PLPPR4: variants seen among roughly 807,000 people sequenced by gnomAD.
PLPPR4 encodes the protein phospholipid phosphatase-related protein type 4.
In PLPPR4, 24 loss-of-function variants were observed where a neutral mutation model predicts 56.6. The observed-to-expected ratio is 0.42, with a 90% confidence interval of 0.31 to 0.60. The LOEUF (loss-of-function observed/expected upper bound fraction) is 0.60, where lower values mean the gene tolerates loss of function less well. Ranked by LOEUF, PLPPR4 falls within the 20% of genes least tolerant of loss-of-function variation. The pLI is 0.13. For synonymous variants in PLPPR4, 326 were observed against 328.1 expected, an observed-to-expected ratio of 0.99 and a Z score of 0.07; for missense variants, 654 against 885.8, an observed-to-expected ratio of 0.74 and a Z score of 3.32.
chr1:99,302,769 G>GT (rs1303810008), intron 6 of PLPPR4, among the ~76,000 whole-genome samples: 1 of 146,998 alleles, frequency 6.8e-6, no homozygotes, highest in Non-Finnish European at 1.5e-5. Context: ...GCGGTGTTTG[G>GT]TTTTTTATCT....
At chr1:99,280,031 G>T (rs975021405) in intron 1 of PLPPR4, among the ~76,000 whole-genome samples, 1 of 152,150 alleles carries the variant, frequency 6.6e-6, no homozygotes. Flanking sequence ...AGTAGAGAAT[G>T]TGTTTAAGAG....
chr1:99,301,947 T>G (rs559819296), intron 6 of PLPPR4, 50 bp downstream of exon 6: 1 of 1,379,982 alleles, frequency 7.2e-7, no homozygotes, highest in South Asian at 1.5e-5. Flanking sequence ...ATGGAAAACA[T>G]GCATAGAATA....
At chr1:99,291,741 T>C (rs1233247438) in intron 2 of PLPPR4, among the ~76,000 whole-genome samples, 1 of 151,804 alleles carries the variant, frequency 6.6e-6, no homozygotes, top group African/African-American at 2.4e-5. Flanking sequence ...CATAGGCACA[T>C]AGAGGGGAAA....
At position 99,305,912 on chromosome 1, in the gene PLPPR4, C is replaced by G; in HGVS notation, c.1050C>G (p.Ile350Met). The G allele has an allele frequency of 6.2e-7, 1 of 1,614,094 alleles. No homozygotes were observed. Among genetic ancestry groups the G allele is most frequent in the Non-Finnish European group, 8.5e-7 (1 of 1,180,008 alleles). ...AAAGAGCAAATGCTGATGTGGAAAT[C>G]ATTACTCCACGGAGCCCCATGGGGA... ...NLKRANADVE[I>M]ITPRSPMGKE... The change falls in exon 7 of 7, where the codon ATC becomes ATG. Residue 350 changes from isoleucine (I) to methionine (M), a missense_variant. Ile to Met is a conservative substitution (Grantham distance 10, BLOSUM62 1). Around this residue, in one of 2 missense-constraint regions of PLPPR4, gnomAD observed 468 missense variants for 554.3 expected, o/e 0.84. Transcript: ENST00000370185.
chr1:99,275,172 C>A (rs1254749915), intron 1 of PLPPR4, among the ~76,000 whole-genome samples: 1 of 152,028 alleles, frequency 6.6e-6, no homozygotes, highest in African/African-American at 2.4e-5. Context: ...ATAATGTCTT[C>A]TTCATGGCAA....
intron 1 of PLPPR4, among the ~76,000 whole-genome samples, chr1:99,277,744 C>T (rs768686397): frequency 1.2e-4 from 18 of 151,758 alleles, no homozygotes; most frequent in African/African-American, 2.7e-4. Flanking sequence ...TTATCCTTCT[C>T]GGTGCTTCAA....
intron 1 of PLPPR4, among the ~76,000 whole-genome samples, chr1:99,265,881 T>G (rs6577371): frequency 0.44 from 67,622 of 152,000 alleles, 15,887 homozygotes; most frequent in Middle Eastern, 0.54. Flanking sequence ...ATAGATTTTT[T>G]AAATAATTTC....
chr1:99,264,436 G>C (rs1293706644), upstream of PLPPR4: 23 of 1,470,916 alleles, frequency 1.6e-5, no homozygotes, highest in Non-Finnish European at 2.1e-5. Flanking sequence ...GCGGGGAGAA[G>C]GCGGGGGCGC....
intron 1 of PLPPR4, among the ~76,000 whole-genome samples, chr1:99,283,502 A>G (rs893865045): frequency 6.6e-6 from 1 of 152,176 alleles, no homozygotes; most frequent in South Asian, 2.1e-4. Context: ...ATTTTAAAAC[A>G]CCTTTCTTTT....
At chr1:99,267,511 C>T (rs12060600) in intron 1 of PLPPR4, among the ~76,000 whole-genome samples, 13,265 of 152,188 alleles carry the variant, frequency 0.087, 1,046 homozygotes, top group African/African-American at 0.2. Flanking sequence ...AATATAAATA[C>T]ACCTGTATTC....
At chr1:99,269,970 A>G (rs1659007490) in intron 1 of PLPPR4, among the ~76,000 whole-genome samples, 1 of 151,436 alleles carries the variant, frequency 6.6e-6, no homozygotes, top group South Asian at 2.1e-4. Flanking sequence ...CAAAAAATTA[A>G]GATTACTCAG....
chr1:99,285,050 T>G (rs1659428218), intron 1 of PLPPR4, among the ~76,000 whole-genome samples: 1 of 152,172 alleles, frequency 6.6e-6, no homozygotes, highest in African/African-American at 2.4e-5. Flanking sequence ...AGAAAGGTGA[T>G]GTTTAGTGAA....
In PLPPR4 at chr1:99,287,952, C is replaced by G. The variant is rs542221936; in HGVS notation, c.79-13C>G. The G allele has an allele frequency of 3.1e-6, 5 of 1,606,276 alleles. No individual in the cohort carries two copies. In the Admixed American group the frequency reaches 6.7e-5, roughly 22 times the overall value. ...GGTAGAATAAATTGATCTTCTTTGTCCTTCATTCTTAGTTGCCTATATTGG... is the reference window on the plus strand; with the variant it reads ...GGTAGAATAAATTGATCTTCTTTGTGCTTCATTCTTAGTTGCCTATATTGG... On this transcript the variant is annotated splice_polypyrimidine_tract_variant and intron_variant, in intron 1 of 6. Transcript: ENST00000370185.
At position 99,283,534 on chromosome 1, in the gene PLPPR4, A is replaced by G. The variant is rs116126505; in HGVS notation, c.79-4431A>G. ...TTTTGTTTGCCCTGTTCTCTAAAAC[A>G]GTTATAATTTTTCTTCTGGTTCCTC... is the stretch of plus-strand genomic sequence containing the variant. On this transcript the variant is annotated intron_variant, in intron 1 of 6. Transcript: ENST00000370185. 6.4e-3 allele frequency among the ~76,000 whole-genome samples: 977 copies of G among 152,354 alleles called. 6 individuals are homozygous for G. Among genetic ancestry groups the G allele is most frequent in the South Asian group, 0.015 (73 of 4,832 alleles).
At chr1:99,303,501 TA>T in intron 6 of PLPPR4, among the ~76,000 whole-genome samples, 1 of 152,098 alleles carries the variant, frequency 6.6e-6, no homozygotes. Context: ...GTCATAAAAA[TA>T]AAAGGTAGCC....
At chr1:99,302,622 TCATTTAG>T (rs1194364365) in intron 6 of PLPPR4, among the ~76,000 whole-genome samples, 1 of 149,944 alleles carries the variant, frequency 6.7e-6, no homozygotes, top group African/African-American at 2.4e-5. Flanking sequence ...CATTAACTCG[TCATTTAG>T]CATTAGGTAT....
chr1:99,300,933 A>G lies in PLPPR4; in HGVS notation c.615A>G (p.Ala205=). ...SGRKSFPSQH[A]TLAAFAAVYV... ...GAAAGTCCTTCCCTTCTCAACATGCAACCCTTGCTGCCTTTGCAGCTGTGT... is the reference window on the plus strand; with the variant it reads ...GAAAGTCCTTCCCTTCTCAACATGCGACCCTTGCTGCCTTTGCAGCTGTGT... The change falls in exon 5 of 7, where the codon GCA becomes GCG. Residue 205 remains alanine, a synonymous_variant. Coordinates refer to ENST00000370185, the MANE Select transcript of PLPPR4 (RefSeq NM_014839.5). The G allele has an allele frequency of 1.2e-6, 2 of 1,612,414 alleles. No homozygotes were observed. Among genetic ancestry groups the G allele is most frequent in the Non-Finnish European group, 1.7e-6 (2 of 1,178,696 alleles).
intron 2 of PLPPR4, among the ~76,000 whole-genome samples, chr1:99,295,779 C>A (rs772120279): frequency 1.3e-5 from 2 of 152,170 alleles, no homozygotes; most frequent in Non-Finnish European, 2.9e-5. Context: ...CTCACCGTGC[C>A]AGGCACTGTG....
Position 99,288,130 on chromosome 1 carries a change from T to A in PLPPR4, c.244T>A (p.Phe82Ile), listed in dbSNP as rs1570915942. ...IPFLMLLSLA[F>I]AGPAITIMVG... ...ATTCCTCATGTTGCTTAGCTTGGCT[T>A]TTGCTGGACCTGCAATTACGGTAAG... The change falls in exon 2 of 7, where the codon TTT (phenylalanine) becomes ATT (isoleucine). Residue 82 changes from phenylalanine to isoleucine, a missense_variant. Phe to Ile is a conservative substitution (Grantham distance 21). Coordinates refer to ENST00000370185, the MANE Select transcript of PLPPR4 (RefSeq NM_014839.5). 6.2e-7 allele frequency: 1 copy of A among 1,613,470 alleles called. No homozygotes were observed. Among genetic ancestry groups the A allele is most frequent in the South Asian group, 1.1e-5 (1 of 90,948 alleles).
Sources: gnomAD v4.1 joint callset for allele counts (sites outside exome capture counted in the v4.1 genomes callset) on GRCh38, gnomAD v4.1.1 for gene constraint, gnomAD v4.1.1 regional missense constraint, MANE v1.5 for transcripts, NCBI Gene and HGNC (gene_info 2026-07-23, HGNC 2026-07-21) for gene names.